Variants in KDM4B observed in about 807,000 individuals in gnomAD.
KDM4B encodes the protein lysine demethylase 4B.
Under a neutral mutation model 125.2 loss-of-function variants are expected in KDM4B, and 32 were observed. That is an observed-to-expected ratio of 0.26 (90% CI 0.19 to 0.34). The LOEUF (loss-of-function observed/expected upper bound fraction) is 0.34. Among genes scored for constraint, KDM4B ranks in the 10% least tolerant of loss-of-function variants. KDM4B has a pLI of 1.00. For synonymous variants in KDM4B, 721 were observed against 677.9 expected, an observed-to-expected ratio of 1.06 and a Z score of -0.99; for missense variants, 1,190 against 1,577.7, an observed-to-expected ratio of 0.75 and a Z score of 4.16.
chr19:4,990,750 A>AT (rs1464720995), intron 1 of KDM4B, among the ~76,000 whole-genome samples: 7 of 152,144 alleles, frequency 4.6e-5, no homozygotes, highest in Non-Finnish European at 1.5e-5. Flanking sequence ...ATTTTGAAGG[A>AT]TATTTATAAA....
intron 1 of KDM4B, among the ~76,000 whole-genome samples, chr19:4,985,638 C>T (rs187979286): frequency 9.2e-5 from 14 of 152,322 alleles, no homozygotes; most frequent in Non-Finnish European, 1.5e-4. Context: ...CGTGCTGTGC[C>T]GGGTGAGAGG....
chr19:5,112,625 G>C (rs1052986294), intron 10 of KDM4B: 1 of 152,174 alleles, frequency 6.6e-6, no homozygotes, highest in Non-Finnish European at 1.5e-5. Flanking sequence ...TTTTCAACAC[G>C]TCCATCTGTC....
At chr19:5,098,973 C>G (rs1401652689) in intron 9 of KDM4B, among the ~76,000 whole-genome samples, 1 of 152,220 alleles carries the variant, frequency 6.6e-6, no homozygotes, top group African/African-American at 2.4e-5. Context: ...CATGCCATTT[C>G]CCTCATCCCT....
intron 9 of KDM4B, among the ~76,000 whole-genome samples, chr19:5,102,704 G>A (rs924264827): frequency 1.3e-5 from 2 of 150,950 alleles, no homozygotes; most frequent in Non-Finnish European, 3.0e-5. Flanking sequence ...GGCGGCGGGC[G>A]ACGGGTGACG....
At chr19:5,060,433 CAAAAAAAAAAAAAAAAA>C (rs901472663) in intron 6 of KDM4B, among the ~76,000 whole-genome samples, 9 of 32,978 alleles carry the variant, frequency 2.7e-4, no homozygotes, top group African/African-American at 4.9e-4. Flanking sequence ...ACTCTGTCTC[CAAAAAAAAAAAAAAAAA>C]AAAAAAAAAA....
At chr19:5,014,994 C>CAA (rs772116720) in intron 1 of KDM4B, among the ~76,000 whole-genome samples, 71 of 103,420 alleles carry the variant, frequency 6.9e-4, no homozygotes, top group African/African-American at 2.3e-3. Context: ...GAGTCCGTCT[C>CAA]AAAAAAAAAA....
At chr19:5,086,643 C>T (rs562526747) in intron 9 of KDM4B, among the ~76,000 whole-genome samples, 20 of 149,310 alleles carry the variant, frequency 1.3e-4, no homozygotes, top group African/African-American at 4.4e-4. Flanking sequence ...ACAGCCACCT[C>T]CTCCCCCCCC....
chr19:5,040,636 C>T (rs943031091), intron 4 of KDM4B, among the ~76,000 whole-genome samples: 3 of 152,148 alleles, frequency 2.0e-5, no homozygotes, highest in South Asian at 2.1e-4. Flanking sequence ...ACGTAGCCTC[C>T]GTGCTGCGCA....
At chr19:5,110,185 A>G (rs2039112898) in intron 9 of KDM4B, among the ~76,000 whole-genome samples, 2 of 152,176 alleles carry the variant, frequency 1.3e-5, no homozygotes, top group Admixed American at 1.3e-4. Context: ...AAGTTCTAGA[A>G]ACAGAGCAGG....
intron 2 of KDM4B, among the ~76,000 whole-genome samples, chr19:5,022,611 C>G (rs888873924): frequency 6.6e-6 from 1 of 152,184 alleles, no homozygotes; most frequent in African/African-American, 2.4e-5. Context: ...TGGCCACCCC[C>G]ACGGATGGTC....
At chr19:5,009,508 C>T (rs1301926132) in intron 1 of KDM4B, among the ~76,000 whole-genome samples, 2 of 152,150 alleles carry the variant, frequency 1.3e-5, no homozygotes, top group Non-Finnish European at 2.9e-5. Context: ...CCAGTGAAAA[C>T]CTGCTATGCC....
intron 22 of KDM4B, among the ~76,000 whole-genome samples, chr19:5,151,123 C>T (rs927423183): frequency 1.1e-4 from 16 of 152,226 alleles, no homozygotes; most frequent in Non-Finnish European, 2.9e-5. Context: ...GGTGCCCACC[C>T]CACTAGGGGG....
At position 5,125,146 on chromosome 19, in the gene KDM4B, C is replaced by T. The variant is rs535966934; in HGVS notation, c.1315+5294C>T. Among the ~76,000 whole-genome samples, 240 of 152,346 alleles carry T rather than the reference C, an allele frequency of 1.6e-3. 1 individual carries two copies. The highest frequency in any genetic ancestry group is 5.6e-3 in the African/African-American group (233 of 41,576). The stretch of plus-strand genomic sequence containing the variant: ...AACTCCTGGGCTCCGCCTCAGCCTC[C>T]CAAAGTGCTGGGATTACAGGTATGA... On this transcript the variant is annotated intron_variant, in intron 11 of 22. Transcript: ENST00000159111.
chr19:5,106,678 T>C (rs1429995160), intron 9 of KDM4B, among the ~76,000 whole-genome samples: 7 of 152,124 alleles, frequency 4.6e-5, no homozygotes, highest in Non-Finnish European at 2.9e-5. Flanking sequence ...CCCCCAGAGG[T>C]GCACTTGGCA....
chr19:5,095,918 G>T (rs2038812068), intron 9 of KDM4B, among the ~76,000 whole-genome samples: 1 of 152,194 alleles, frequency 6.6e-6, no homozygotes, highest in Non-Finnish European at 1.5e-5. Flanking sequence ...CTATAGAGTG[G>T]GTGCTATGGA....
At position 5,082,420 on chromosome 19, in the gene KDM4B, C is replaced by G. The variant is rs142551392; in HGVS notation, c.834C>G (p.Ala278=). 4.3e-6 allele frequency: 7 copies of G among 1,613,726 alleles called. No homozygotes were observed. Among genetic ancestry groups the G allele is most frequent in the Non-Finnish European group, 5.9e-6 (7 of 1,179,964 alleles). The change falls in exon 9 of 23, where the codon GCC becomes GCG. Residue 278 remains alanine (A), a synonymous_variant. Coordinates refer to ENST00000159111, the MANE Select transcript of KDM4B (RefSeq NM_015015.3). The surrounding 1 kb of genome is among the most constrained non-coding windows in gnomAD (Gnocchi z 5.4). The part of the protein sequence containing the change: ...FMITFPYGYH[A]GFNHGFNCAE... The stretch of plus-strand genomic sequence containing the variant: ...TCACATTTCCCTACGGCTACCACGC[C>G]GGCTTCAATCACGGGTTCAACTGCG...
chr19:5,124,240 T>A (rs745366286), intron 11 of KDM4B, among the ~76,000 whole-genome samples: 7 of 126,678 alleles, frequency 5.5e-5, no homozygotes, highest in Admixed American at 8.9e-5. Context: ...GGACACCGCC[T>A]TGATGGACCC....
In KDM4B at chr19:4,999,653, C is replaced by A. The variant is rs73540656; in HGVS notation, c.-108-16604C>A. Among the ~76,000 whole-genome samples the A allele has an allele frequency of 1.3e-3, 201 of 152,222 alleles. 2 individuals carry two copies. The highest frequency in any genetic ancestry group is 4.7e-3 in the African/African-American group (195 of 41,510). On this transcript the variant is annotated intron_variant, in intron 1 of 22. Coordinates refer to ENST00000159111, the MANE Select transcript of KDM4B (RefSeq NM_015015.3). ...ACATACAGACACCTGACATTTGTAT[C>A]CATCTCTGCATCCATCTATCCACCC...
intron 1 of KDM4B, among the ~76,000 whole-genome samples, chr19:5,010,799 C>A (rs536933561): frequency 6.6e-6 from 1 of 152,298 alleles, no homozygotes; most frequent in South Asian, 2.1e-4. Context: ...AGGTGCCCAC[C>A]ATCACACCTG....
Sources: gnomAD v4.1 joint callset for allele counts (sites outside exome capture counted in the v4.1 genomes callset) on GRCh38, gnomAD v4.1.1 for gene constraint, Gnocchi (gnomAD v3.1) non-coding constraint, MANE v1.5 for transcripts, NCBI Gene and HGNC (gene_info 2026-07-23, HGNC 2026-07-21) for gene names.